The following HERC3 variants were observed in gnomAD, a reference collection of about 807,000 sequenced individuals.
HERC3 encodes probable E3 ubiquitin-protein ligase HERC3.
A neutral mutation model predicts 129.9 loss-of-function variants in HERC3; 58 were observed. The ratio of observed to expected loss-of-function variants is 0.45; its 90% confidence interval spans 0.36 to 0.56. The LOEUF (loss-of-function observed/expected upper bound fraction) is 0.56, where lower values mean the gene tolerates loss of function less well. HERC3 is among the 20% of genes least tolerant of loss of function. The pLI, the probability that HERC3 is intolerant of heterozygous loss-of-function variation, is 0.00. For synonymous variants in HERC3, 430 were observed against 451.0 expected (o/e 0.95, Z 0.59); for missense variants, 835 against 1,244.2 (o/e 0.67, Z 4.95).
intron 20 of HERC3, among the ~76,000 whole-genome samples, chr4:88,680,709 C>T (rs1297678729): frequency 2.0e-5 from 3 of 152,210 alleles, no homozygotes; most frequent in Non-Finnish European, 4.4e-5. Flanking sequence ...CCTAGATCTG[C>T]ACCATACCAA....
the HERC3 span, among the ~76,000 whole-genome samples, chr4:88,550,623 T>G: frequency 2.0e-5 from 3 of 152,026 alleles, no homozygotes; most frequent in Non-Finnish European, 2.9e-5. Flanking sequence ...CGCTGCTCAA[T>G]GAAATAAAAG....
At chr4:88,624,770 T>A (rs987659129) in intron 3 of HERC3, among the ~76,000 whole-genome samples, 1 of 152,208 alleles carries the variant, frequency 6.6e-6, no homozygotes, top group Non-Finnish European at 1.5e-5. Context: ...CCTAAGAATT[T>A]TACCTAACTC....
chr4:88,695,483 A>G (rs1045655954), intron 23 of HERC3, among the ~76,000 whole-genome samples: 8 of 152,200 alleles, frequency 5.3e-5, no homozygotes, highest in Non-Finnish European at 1.2e-4. Context: ...TAAAAACCTG[A>G]TATTATATTG....
the HERC3 span, among the ~76,000 whole-genome samples, chr4:88,536,354 A>G: frequency 6.6e-6 from 1 of 152,160 alleles, no homozygotes; most frequent in Non-Finnish European, 1.5e-5. Context: ...ATTCAAACAC[A>G]GACACTTTTA....
rs532515500 is a variant in HERC3 at position 88,595,841 on chromosome 4, CTTTTTTTTTTTTTT to C, written c.-30+241_-30+254del. On this transcript the variant is annotated intron_variant, in intron 2 of 25. Transcript: ENST00000402738. The stretch of plus-strand genomic sequence containing the variant: ...TGGTCTCTGCTTCAAGCACTTAATT[CTTTTTTTTTTTTTT>C]TTTTTTTTTTTTTGAGAGGGAGTCT... Among the ~76,000 whole-genome samples, 8 of 80,300 alleles carry C rather than the reference CTTTTTTTTTTTTTT, an allele frequency of 1.0e-4. No homozygotes were observed. The East Asian group carries it at 2.7e-3, about 27-fold the overall frequency. 52.7% of individuals were successfully genotyped at this position (80,300 alleles called of 152,430 possible).
chr4:88,624,689 G>A (rs1340795744), intron 3 of HERC3, among the ~76,000 whole-genome samples: 1 of 152,124 alleles, frequency 6.6e-6, no homozygotes, highest in Non-Finnish European at 1.5e-5. Flanking sequence ...AGTGCGTTTT[G>A]AAGATCAAAA....
At chr4:88,697,261 G>A (rs753962131) in intron 23 of HERC3, 1 of 1,567,304 alleles carries the variant, frequency 6.4e-7, no homozygotes, top group Non-Finnish European at 8.6e-7. Context: ...TTTGGCCCCC[G>A]CGGCAGCCTC....
At chr4:88,693,290 T>C (rs1257546028) in intron 23 of HERC3, 1 of 973,510 alleles carries the variant, frequency 1.0e-6, no homozygotes, top group African/African-American at 1.8e-5. Context: ...AATGATAAGG[T>C]CTCAGGGGTG....
At chr4:88,622,471 C>T (rs1578186295) in intron 3 of HERC3, among the ~76,000 whole-genome samples, 2 of 152,070 alleles carry the variant, frequency 1.3e-5, no homozygotes, top group South Asian at 2.1e-4. Context: ...TGTGTGGACA[C>T]ATGTTTTCAT....
At chr4:88,560,189 A>G in the HERC3 span, among the ~76,000 whole-genome samples, 1 of 151,960 alleles carries the variant, frequency 6.6e-6, no homozygotes, top group African/African-American at 2.4e-5. Flanking sequence ...CGAACTCCTG[A>G]CCTCAAGTGA....
intron 21 of HERC3, among the ~76,000 whole-genome samples, chr4:88,683,271 C>A (rs562592048): frequency 9.9e-5 from 15 of 151,962 alleles, no homozygotes; most frequent in African/African-American, 3.4e-4. Flanking sequence ...ACAACTTTAA[C>A]GGGAGGGAAC....
the HERC3 span, among the ~76,000 whole-genome samples, chr4:88,586,236 A>G: frequency 5.3e-5 from 8 of 152,338 alleles, no homozygotes; most frequent in East Asian, 1.5e-3. Flanking sequence ...ATGCCATGCA[A>G]TTGTTTAAAA....
chr4:88,605,813 A>G lies in HERC3; in HGVS notation c.-11A>G. 2.5e-6 allele frequency: 4 copies of G among 1,605,982 alleles called. No homozygotes were observed. The highest frequency in any genetic ancestry group is 3.4e-6 in the Non-Finnish European group (4 of 1,172,574). ...CTCCTAGGCTACATGATTCCCTGAAAGATAAGAACAATGTTATGTTGGGGA... is the reference window on the plus strand; with the variant it reads ...CTCCTAGGCTACATGATTCCCTGAAGGATAAGAACAATGTTATGTTGGGGA... On this transcript the variant is annotated 5_prime_UTR_variant, in exon 3 of 26. Coordinates refer to ENST00000402738, the MANE Select transcript of HERC3 (RefSeq NM_014606.3).
chr4:88,642,328 A>C (rs1344731711), intron 3 of HERC3, among the ~76,000 whole-genome samples: 1 of 152,184 alleles, frequency 6.6e-6, no homozygotes, highest in African/African-American at 2.4e-5. Context: ...AGAATTTGAC[A>C]TTATGCAGCA....
At chr4:88,581,918 A>T in the HERC3 span, among the ~76,000 whole-genome samples, 1 of 152,220 alleles carries the variant, frequency 6.6e-6, no homozygotes, top group Non-Finnish European at 1.5e-5. Flanking sequence ...AGACTAGTTG[A>T]GACATAAAAA....
At chr4:88,610,760 G>C (rs1724224528) in intron 3 of HERC3, among the ~76,000 whole-genome samples, 1 of 152,216 alleles carries the variant, frequency 6.6e-6, no homozygotes. Flanking sequence ...AAACCTCGCA[G>C]AACAATGATA....
chr4:88,682,397 G>A (rs1174778550), intron 21 of HERC3, among the ~76,000 whole-genome samples: 1 of 151,936 alleles, frequency 6.6e-6, no homozygotes, highest in Non-Finnish European at 1.5e-5. Flanking sequence ...ATGTATACAT[G>A]TGCCATGTTG....
the HERC3 span, among the ~76,000 whole-genome samples, chr4:88,575,095 T>C: frequency 6.6e-6 from 1 of 152,202 alleles, no homozygotes; most frequent in Non-Finnish European, 1.5e-5. Flanking sequence ...GTCTCCTTTA[T>C]CAAATCTGAT....
chr4:88,609,904 A>T (rs958222103), intron 3 of HERC3, among the ~76,000 whole-genome samples: 2 of 152,196 alleles, frequency 1.3e-5, no homozygotes, highest in African/African-American at 4.8e-5. Flanking sequence ...TTTCTTGATG[A>T]TATGCTAAAC....
Sources: gnomAD v4.1 joint callset for allele counts (sites outside exome capture counted in the v4.1 genomes callset) on GRCh38, gnomAD v4.1.1 for gene constraint, MANE v1.5 for transcripts, NCBI Gene and HGNC (gene_info 2026-07-23, HGNC 2026-07-21) for gene names.